KDM5A: variants seen among roughly 807,000 people sequenced by gnomAD.
KDM5A encodes lysine demethylase 5A, also known as lysine-specific demethylase 5A.
In KDM5A, 42 loss-of-function variants were observed where a neutral mutation model predicts 193.5. The ratio of observed to expected loss-of-function variants is 0.22; its 90% CI spans 0.17 to 0.28. KDM5A has a LOEUF of 0.28. Ranked by LOEUF, KDM5A falls within the 10% of genes least tolerant of loss-of-function variation. The pLI is 1.00. For synonymous variants in KDM5A, 796 were observed against 718.1 expected, an observed-to-expected ratio of 1.11 and a Z score of -1.73; for missense variants, 1,692 against 2,055.1, an observed-to-expected ratio of 0.82 and a Z score of 3.42.
chr12:342,997 G>C (rs1020025377), intron 10 of KDM5A, among the ~76,000 whole-genome samples: 2 of 152,114 alleles, frequency 1.3e-5, no homozygotes, highest in Non-Finnish European at 2.9e-5. Context: ...AAGAACAAGG[G>C]GTCAGAGGAT....
rs1369427115 is a variant in KDM5A, at chr12:389,186, GC to G, written c.-96del. 8.5e-7 allele frequency: 1 copy of G among 1,171,064 alleles called. No individual in the cohort carries two copies. Among genetic ancestry groups the G allele is most frequent in the Non-Finnish European group, 1.3e-6 (1 of 779,170 alleles). The allele number at this position is 1,171,064 out of a possible 1,614,324, so 72.5% of individuals were successfully genotyped here. A position where few individuals can be genotyped will look rare whatever the true frequency, so the allele number is the denominator to read the frequency against. On this transcript the variant is annotated 5_prime_UTR_variant, in exon 1 of 28. It removes the in-frame stop codon of an upstream open reading frame in the 5' UTR. Coordinates refer to ENST00000399788, the MANE Select transcript of KDM5A (RefSeq NM_001042603.3). ...AGCCCGTTCAAGTCCCCTGACAGAG[GC>G]CGAAGCGCATCTTCGCGGACAAGAA...
intron 21 of KDM5A, among the ~76,000 whole-genome samples, 200 bp from the exon 22 acceptor site, chr12:310,164 T>C (rs1029442632): frequency 6.6e-6 from 1 of 152,146 alleles, no homozygotes; most frequent in Non-Finnish European, 1.5e-5. Context: ...CAAGAGAAAC[T>C]GAGGCTCAGG....
intron 1 of KDM5A, among the ~76,000 whole-genome samples, chr12:386,668 G>A (rs1565555577): frequency 6.6e-6 from 1 of 152,136 alleles, no homozygotes; most frequent in Non-Finnish European, 1.5e-5. Context: ...GCAACAGAGC[G>A]AGACCCTATC....
rs1944305057 is a variant in KDM5A, at chr12:362,496, A to T, written c.672+467T>A. ...TTAAAGGAATGGCAGGTGAAAAATA[A>T]AACCTATTCATCTCACTTCTGCTAA... On this transcript the variant is annotated intron_variant, in intron 5 of 27. Transcript: ENST00000399788. 2.6e-5 allele frequency among the ~76,000 whole-genome samples: 4 copies of T among 152,232 alleles called. 1 individual carries two copies. In the South Asian group the frequency reaches 8.3e-4, roughly 31 times the overall value.
At chr12:386,921 C>T (rs1944643966) in intron 1 of KDM5A, among the ~76,000 whole-genome samples, 1 of 151,198 alleles carries the variant, frequency 6.6e-6, no homozygotes, top group East Asian at 1.9e-4. Context: ...AAAAAAAAAA[C>T]TTGTGTTTAA....
chr12:336,311 A>T (rs1943932462), intron 10 of KDM5A, among the ~76,000 whole-genome samples: 1 of 150,514 alleles, frequency 6.6e-6, no homozygotes, highest in Non-Finnish European at 1.5e-5. Context: ...AGCCGAGATC[A>T]TGCCACTGCA....
At chr12:316,611 C>T (rs1943653626) in intron 19 of KDM5A, among the ~76,000 whole-genome samples, 2 of 152,174 alleles carry the variant, frequency 1.3e-5, no homozygotes, top group South Asian at 2.1e-4. Flanking sequence ...ACCAGGTGCG[C>T]CACGTTTATC....
At chr12:313,419 T>C (rs918721416) in intron 19 of KDM5A, among the ~76,000 whole-genome samples, 2 of 152,126 alleles carry the variant, frequency 1.3e-5, no homozygotes, top group Non-Finnish European at 2.9e-5. Context: ...AAAATATAAA[T>C]TTTTATGGAT....
In KDM5A at chr12:306,679, G is replaced by A. The variant is rs1208289178; in HGVS notation, c.4074+267C>T. The stretch of plus-strand genomic sequence containing the variant: ...AATTGCTTGAACCCAGAAGGCAGAG[G>A]TTGCACTGAACAGAGATCGCGCCAT... On this transcript the variant is annotated intron_variant, in intron 24 of 27. Coordinates refer to ENST00000399788, the MANE Select transcript of KDM5A (RefSeq NM_001042603.3). Among the ~76,000 whole-genome samples the A allele has an allele frequency of 2.0e-5, 3 of 150,852 alleles. No individual in the cohort carries two copies. The East Asian group carries it at 5.9e-4, about 29-fold the overall frequency.
At chr12:333,217 G>C in intron 12 of KDM5A, 1 of 452,310 alleles carries the variant, frequency 2.2e-6, no homozygotes, top group Non-Finnish European at 4.1e-6. Flanking sequence ...TCAGGAGTTC[G>C]AGACCAACCT....
At chr12:359,643 G>A (rs1407002131) in intron 5 of KDM5A, among the ~76,000 whole-genome samples, 1 of 151,620 alleles carries the variant, frequency 6.6e-6, no homozygotes, top group Non-Finnish European at 1.5e-5. Flanking sequence ...CTGGGAGGCT[G>A]AGGTGGGAGG....
chr12:298,675 G>T (rs1350704601), intron 24 of KDM5A, among the ~76,000 whole-genome samples: 1 of 152,078 alleles, frequency 6.6e-6, no homozygotes, highest in Non-Finnish European at 1.5e-5. Context: ...GCCAGCAAAG[G>T]AACAAAACTG....
chr12:323,560 A>G (rs1943747861), intron 15 of KDM5A, 40 bp downstream of exon 15: 1 of 1,583,868 alleles, frequency 6.3e-7, no homozygotes, highest in Non-Finnish European at 8.7e-7. Flanking sequence ...CTTGGTTTTA[A>G]AAAAAGGTAA....
At chr12:295,432 C>T in intron 26 of KDM5A, 141 bp downstream of exon 26, 1 of 792,772 alleles carries the variant, frequency 1.3e-6, no homozygotes, top group East Asian at 2.5e-5. Flanking sequence ...GCCATAAAGC[C>T]CAATTTCTTT....
chr12:349,652 G>A (rs1213223384), intron 10 of KDM5A, among the ~76,000 whole-genome samples: 2 of 151,422 alleles, frequency 1.3e-5, no homozygotes, highest in Non-Finnish European at 2.9e-5. Flanking sequence ...GAAAGAACTA[G>A]GCAAAAATAT....
At chr12:345,970 A>T (rs550956746) in intron 10 of KDM5A, among the ~76,000 whole-genome samples, 2 of 152,290 alleles carry the variant, frequency 1.3e-5, no homozygotes, top group East Asian at 3.9e-4. Context: ...CATCAATTAA[A>T]TCCAGGACCT....
At chr12:348,664 G>A (rs1944109919) in intron 10 of KDM5A, among the ~76,000 whole-genome samples, 1 of 151,704 alleles carries the variant, frequency 6.6e-6, no homozygotes, top group Non-Finnish European at 1.5e-5. Flanking sequence ...CACAGGGATA[G>A]AAAACCAAAA....
chr12:369,313 C>T (rs1944397059), intron 3 of KDM5A, among the ~76,000 whole-genome samples: 1 of 152,192 alleles, frequency 6.6e-6, no homozygotes, highest in Non-Finnish European at 1.5e-5. Context: ...CAACAGGTAA[C>T]TTTCAGTGCT....
In KDM5A at chr12:363,051, T is replaced by C; in HGVS notation, c.584A>G (p.Glu195Gly). 6.2e-7 allele frequency: 1 copy of C among 1,614,014 alleles called. No homozygotes were observed. The highest frequency in any genetic ancestry group is 1.1e-5 in the South Asian group (1 of 91,080). The change falls in exon 5 of 28, where the codon GAG becomes GGG. Residue 195 changes from glutamate to glycine, a missense_variant. Glu to Gly is a moderately conservative substitution (Grantham distance 98, BLOSUM62 -2). This residue lies in a region of KDM5A where 134 missense variants were observed against 124.2 expected (regional missense o/e 1.08). Transcript: ENST00000399788. ...NLDLKEKVEP[E>G]VLSTDTQTSP... ...AGTTTGGGTATCAGTGCTGAGAACC[T>C]CAGGCTCCACTTTTTCTTTAAGATC... is the stretch of plus-strand genomic sequence containing the variant.
Sources: allele counts gnomAD v4.1 joint callset (sites outside exome capture counted in the v4.1 genomes callset), GRCh38; gene constraint gnomAD v4.1.1; regional missense constraint gnomAD v4.1.1; transcripts MANE v1.5; gene names NCBI Gene and HGNC (gene_info 2026-07-23, HGNC 2026-07-21).